Variants in PPP2R5C observed in about 807,000 individuals in gnomAD.
PPP2R5C encodes the protein serine/threonine-protein phosphatase 2A 56 kDa regulatory subunit gamma isoform.
A neutral mutation model predicts 68.9 loss-of-function variants in PPP2R5C; 7 were observed. That is an observed-to-expected ratio of 0.10 (90% CI 0.06 to 0.19). The LOEUF (loss-of-function observed/expected upper bound fraction) is 0.19, where lower values mean the gene tolerates loss of function less well. Among genes scored for constraint, PPP2R5C ranks in the 10% least tolerant of loss-of-function variants. PPP2R5C has a pLI of 1.00. For synonymous variants in PPP2R5C, 210 were observed against 222.2 expected (o/e 0.95, Z 0.49); for missense variants, 348 against 641.3 (o/e 0.54, Z 4.94).
exon 14 of PPP2R5C, chr14:101,925,302 C>T (rs1267346665): frequency 8.7e-6 from 14 of 1,608,092 alleles, no homozygotes; most frequent in South Asian, 1.1e-5. Flanking sequence ...GGGCCGGGCC[C>T]GCCAGTTCTT....
At chr14:101,897,616 T>C (rs569523492) in intron 8 of PPP2R5C, among the ~76,000 whole-genome samples, 1 of 152,130 alleles carries the variant, frequency 6.6e-6, no homozygotes, top group South Asian at 2.1e-4. Flanking sequence ...CTGCTTTATA[T>C]TCTGGCCTCT....
At chr14:101,866,897 C>T (rs12895022) in intron 2 of PPP2R5C, among the ~76,000 whole-genome samples, 11,354 of 151,976 alleles carry the variant, frequency 0.075, 469 homozygotes, top group Middle Eastern at 0.14. Context: ...GCCTGGGCAA[C>T]GTAGCAAGAC....
chr14:101,836,417 A>G (rs1241890549), intron 1 of PPP2R5C: 4 of 701,280 alleles, frequency 5.7e-6, no homozygotes, highest in Admixed American at 2.0e-5. Flanking sequence ...CAGAGCTGCT[A>G]GAATCACACA....
At chr14:101,924,413 C>CTTTT (rs1191937640) in intron 13 of PPP2R5C, among the ~76,000 whole-genome samples, 1 of 112,672 alleles carries the variant, frequency 8.9e-6, no homozygotes, top group Non-Finnish European at 1.9e-5. Flanking sequence ...TTTATTCATT[C>CTTTT]TTTTTCTTTA....
upstream of PPP2R5C, among the ~76,000 whole-genome samples, chr14:101,808,717 G>A (rs754659303): frequency 5.9e-5 from 9 of 152,162 alleles, no homozygotes; most frequent in Non-Finnish European, 1.2e-4. Context: ...AGAGAGCAGG[G>A]GAATTGTGTG....
intron 2 of PPP2R5C, among the ~76,000 whole-genome samples, chr14:101,878,317 T>G (rs1013032781): frequency 6.6e-6 from 1 of 152,214 alleles, no homozygotes; most frequent in African/African-American, 2.4e-5. Flanking sequence ...TGACAGACAC[T>G]GAAAAGAGGA....
intron 3 of PPP2R5C, among the ~76,000 whole-genome samples, chr14:101,794,641 C>T (rs1297978660): frequency 6.6e-6 from 1 of 152,186 alleles, no homozygotes; most frequent in African/African-American, 2.4e-5. Context: ...GACTATTTTC[C>T]AAGGCCACTT....
At chr14:101,783,506 T>A (rs1422406437) in intron 2 of PPP2R5C, among the ~76,000 whole-genome samples, 2 of 151,650 alleles carry the variant, frequency 1.3e-5, no homozygotes, top group African/African-American at 4.8e-5. Context: ...GACTGGCTCC[T>A]CTCTCTGGTC....
At position 101,880,305 on chromosome 14, in the gene PPP2R5C, C is replaced by T. The variant is rs1677993; in HGVS notation, c.295-1856C>T. Reference sequence around the variant, plus strand: ...TTAGTTGTTCCTGGCTTTTCAGCCCCTTTTTTCATCCCTGCGTTTCTACAG... The same window carrying T: ...TTAGTTGTTCCTGGCTTTTCAGCCCTTTTTTTCATCCCTGCGTTTCTACAG... On this transcript the variant is annotated intron_variant, in intron 2 of 13. Transcript: ENST00000334743. Among the ~76,000 whole-genome samples the T allele has an allele frequency of 1.8e-4, 28 of 152,256 alleles. No homozygotes were observed. The East Asian group carries it at 4.8e-3, about 26-fold the overall frequency.
At chr14:101,861,118 C>CT (rs2042711748) in intron 2 of PPP2R5C, among the ~76,000 whole-genome samples, 1 of 152,164 alleles carries the variant, frequency 6.6e-6, no homozygotes, top group African/African-American at 2.4e-5. Context: ...CTAATTGTAG[C>CT]TTTTAAAAAA....
chr14:101,893,259 T>C, intron 7 of PPP2R5C, 151 bp downstream of exon 9: 1 of 560,950 alleles, frequency 1.8e-6, no homozygotes, highest in Non-Finnish European at 3.1e-6. Context: ...ATCGAAAGAA[T>C]AAGGGGGTAA....
In PPP2R5C at chr14:101,825,211, C is replaced by CGTGTGTGTGTGT. The variant is rs10588262; in HGVS notation, c.94+15202_94+15213dup. The stretch of plus-strand genomic sequence containing the variant: ...AGGGATAGGATAAGAGGGTTTTCAG[C>CGTGTGTGTGTGT]GTGTGTGTGTGTGTGTGTGTGTGTG... On this transcript the variant is annotated intron_variant, in intron 1 of 13. Coordinates refer to ENST00000334743, the Ensembl canonical transcript of PPP2R5C. This position sits in a 1 kb window ranked among gnomAD's most constrained non-coding sequence, Gnocchi z 4.0. Among the ~76,000 whole-genome samples, 932 of 143,088 alleles carry CGTGTGTGTGTGT rather than the reference C, an allele frequency of 6.5e-3. 8 individuals are homozygous for CGTGTGTGTGTGT. Among genetic ancestry groups the CGTGTGTGTGTGT allele is most frequent in the African/African-American group, 0.016 (610 of 38,538 alleles). The allele number at this position is 143,088 out of a possible 152,430, so 93.9% of individuals were successfully genotyped here.
chr14:101,912,201 T>C (rs1358429585), intron 11 of PPP2R5C, among the ~76,000 whole-genome samples, 200 bp from the exon 14 acceptor site: 1 of 152,196 alleles, frequency 6.6e-6, no homozygotes, highest in Non-Finnish European at 1.5e-5. Context: ...CTTGGACATG[T>C]TAAATTTTTT....
chr14:101,846,094 C>T (rs78657930), intron 1 of PPP2R5C, among the ~76,000 whole-genome samples: 2,199 of 152,328 alleles, frequency 0.014, 55 homozygotes, highest in African/African-American at 0.049. Flanking sequence ...GCCAAACAGA[C>T]CTAGCTACAG....
rs1677989 is a variant in PPP2R5C, at chr14:101,882,513, G to T, written c.405+242G>T. ...GAGTATGTTCTCAGTGAAGATGGCC[G>T]CTGTGTTGATGGCCGTTGAATTGAA... On this transcript the variant is annotated intron_variant, in intron 3 of 13. Coordinates refer to ENST00000334743, the Ensembl canonical transcript of PPP2R5C. This position sits in a 1 kb window ranked among gnomAD's most constrained non-coding sequence, Gnocchi z 4.9. The T allele has an allele frequency of 0.099, 35,837 of 360,814 alleles. 2,072 individuals are homozygous for T. The highest frequency in any genetic ancestry group is 0.14 in the African/African-American group (6,759 of 47,624). The allele number at this position is 360,814 out of a possible 1,614,324, so 22.4% of individuals were successfully genotyped here. A position where few individuals can be genotyped will look rare whatever the true frequency, so the allele number is the denominator to read the frequency against.
chr14:101,791,697 A>G lies in PPP2R5C; in HGVS notation c.259+5514A>G, dbSNP rs141291995. ...GAAAGTTCTGTTTGGTTCTTTTTTC[A>G]GTCTGCAGTGCCATTTTAAAATATT... On this transcript the variant is annotated intron_variant, in intron 3 of 14. Transcript: ENST00000328724. 2.4e-3 allele frequency among the ~76,000 whole-genome samples: 356 copies of G among 151,092 alleles called. 3 individuals are homozygous for G. Among genetic ancestry groups the G allele is most frequent in the Middle Eastern group, 0.014 (4 of 290 alleles).
intron 13 of PPP2R5C, among the ~76,000 whole-genome samples, chr14:101,919,145 A>G (rs187032334): frequency 6.6e-6 from 1 of 152,362 alleles, no homozygotes; most frequent in Admixed American, 6.5e-5. Flanking sequence ...TCCTTTCCGG[A>G]GTTGCACAGG....
At chr14:101,919,615 T>C (rs2046897258) in intron 13 of PPP2R5C, among the ~76,000 whole-genome samples, 2 of 152,330 alleles carry the variant, frequency 1.3e-5, no homozygotes, top group African/African-American at 2.4e-5. Flanking sequence ...TGAGGGAACC[T>C]GCCTGGGAGT....
At chr14:101,761,618 G>A (rs1426358884), upstream of PPP2R5C, among the ~76,000 whole-genome samples, 16 of 117,522 alleles carry the variant, frequency 1.4e-4, no homozygotes, top group Admixed American at 3.1e-4. Flanking sequence ...GGGCGGGGCG[G>A]CCGGCCGGGG....
Sources: allele counts gnomAD v4.1 joint callset (sites outside exome capture counted in the v4.1 genomes callset), GRCh38; gene constraint gnomAD v4.1.1; non-coding constraint Gnocchi (gnomAD v3.1); transcripts MANE v1.5; gene names NCBI Gene and HGNC (gene_info 2026-07-23, HGNC 2026-07-21).